PPARGC1B: variants seen among roughly 807,000 people sequenced by gnomAD.
PPARGC1B encodes the protein PPARG coactivator 1 beta, also known as peroxisome proliferator-activated receptor gamma coactivator 1-beta.
A neutral mutation model predicts 101.6 loss-of-function variants in PPARGC1B; 34 were observed. The ratio of observed to expected loss-of-function variants is 0.33; its 90% CI spans 0.25 to 0.45. The LOEUF (loss-of-function observed/expected upper bound fraction) is 0.45. PPARGC1B is among the 20% of genes least tolerant of loss of function. The probability of loss-of-function intolerance (pLI) is 1.00; values close to 1 mark genes in which losing one functional copy is unlikely to be tolerated. For missense variants in PPARGC1B, 1,234 were observed against 1,317.6 expected (o/e 0.94, Z 0.98); for synonymous variants, 548 against 539.3 (o/e 1.02, Z -0.22).
chr5:149,758,695 G>T (rs1262267956), intron 1 of PPARGC1B, among the ~76,000 whole-genome samples: 1 of 152,232 alleles, frequency 6.6e-6, no homozygotes, highest in Non-Finnish European at 1.5e-5. Context: ...GGCCAGCCCT[G>T]CCTGTGGTCT....
At chr5:149,817,687 A>C in intron 1 of PPARGC1B, 1 of 456,664 alleles carries the variant, frequency 2.2e-6, no homozygotes, top group South Asian at 1.5e-5. Flanking sequence ...GAACATGCCC[A>C]CTAGAATGGC....
chr5:149,756,248 G>C (rs1286492130), intron 1 of PPARGC1B, among the ~76,000 whole-genome samples: 1 of 152,192 alleles, frequency 6.6e-6, no homozygotes, highest in East Asian at 1.9e-4. Flanking sequence ...GATCACTTGA[G>C]GACAGGAGTT....
chr5:149,743,796 A>C (rs1754992952), intron 1 of PPARGC1B, among the ~76,000 whole-genome samples: 1 of 152,154 alleles, frequency 6.6e-6, no homozygotes, highest in Non-Finnish European at 1.5e-5. Context: ...CACTTTGTGG[A>C]GCCTCCAGAA....
In PPARGC1B at chr5:149,836,456, C is replaced by T; in HGVS notation, c.2001C>T (p.His667=). 4 of 1,614,078 alleles carry T rather than the reference C, an allele frequency of 2.5e-6. No individual in the cohort carries two copies. The highest frequency in any genetic ancestry group is 1.1e-5 in the South Asian group (1 of 91,080). ...CAGAGCGAAGTGAGCTCCTGTCCCACCTGCGACATGCCACAGCCCAGCCAG... is the reference window on the plus strand; with the variant it reads ...CAGAGCGAAGTGAGCTCCTGTCCCATCTGCGACATGCCACAGCCCAGCCAG... ...KHPERSELLS[H]LRHATAQPAS... is the part of the protein sequence containing the mutation. Residue 667 remains histidine, a synonymous_variant, in exon 8 of 12, where the codon CAC becomes CAT. Transcript: ENST00000309241.
chr5:149,772,417 T>C (rs1756168317), intron 1 of PPARGC1B, among the ~76,000 whole-genome samples: 1 of 152,192 alleles, frequency 6.6e-6, no homozygotes, highest in African/African-American at 2.4e-5. Context: ...CTGTGGTGTT[T>C]GCTGTTGTAT....
chr5:149,747,312 A>G (rs916089476), intron 1 of PPARGC1B, among the ~76,000 whole-genome samples: 1 of 152,234 alleles, frequency 6.6e-6, no homozygotes, highest in Non-Finnish European at 1.5e-5. Flanking sequence ...ATTCCTTCGC[A>G]TAACTGAATG....
chr5:149,837,559 T>C lies in PPARGC1B; in HGVS notation c.2618+486T>C, dbSNP rs1449528635. On this transcript the variant is annotated intron_variant, in intron 8 of 11. Transcript: ENST00000309241. The surrounding 1 kb of genome is among the most constrained non-coding windows in gnomAD (Gnocchi z 4.2). The stretch of plus-strand genomic sequence containing the variant: ...AAGCATTGATAAGGTTTCTGGGTCA[T>C]GCTGAGTTGTGCTGTGGCTTTCACC... 1.3e-5 allele frequency among the ~76,000 whole-genome samples: 2 copies of C among 152,242 alleles called. No individual in the cohort carries two copies. The highest frequency in any genetic ancestry group is 2.9e-5 in the Non-Finnish European group (2 of 68,038).
At chr5:149,814,957 G>A (rs1174877476) in intron 1 of PPARGC1B, among the ~76,000 whole-genome samples, 1 of 152,230 alleles carries the variant, frequency 6.6e-6, no homozygotes, top group Non-Finnish European at 1.5e-5. Flanking sequence ...TCCCAGGTCT[G>A]TCCTTGCTCA....
In PPARGC1B at chr5:149,820,571, A is replaced by G. The variant is rs1273447117; in HGVS notation, c.217A>G (p.Asn73Asp). 1 of 1,613,492 alleles carries G rather than the reference A, an allele frequency of 6.2e-7. No homozygotes were observed. Among genetic ancestry groups the G allele is most frequent in the Admixed American group, 1.7e-5 (1 of 60,004 alleles). ...CCCAGAGAACTCAGAGACTGAACCC[A>G]ACCAGTACAGCCCCGATGACTCCGA... ...WCPENSETEPNQYSPDDSELF... is the reference protein window; with the variant it reads ...WCPENSETEPDQYSPDDSELF... Residue 73 changes from asparagine to aspartate, a missense_variant, in exon 2 of 12, where the codon AAC becomes GAC. By Grantham distance (23) the Asn-to-Asp change is conservative. This residue lies in a region of PPARGC1B where 734 missense variants were observed against 768.4 expected (regional missense o/e 0.96). Transcript: ENST00000309241.
chr5:149,784,139 A>G (rs979053749), intron 1 of PPARGC1B, among the ~76,000 whole-genome samples: 9 of 151,716 alleles, frequency 5.9e-5, no homozygotes, highest in African/African-American at 2.2e-4. Flanking sequence ...TCTTTCTTCT[A>G]CTTGGGTTGC....
In PPARGC1B at chr5:149,730,447, G is replaced by A. The variant is rs1341757002; in HGVS notation, c.78+27G>A. 2 of 1,515,342 alleles carry A rather than the reference G, an allele frequency of 1.3e-6. No homozygotes were observed. Among genetic ancestry groups the A allele is most frequent in the Admixed American group, 2.1e-5 (1 of 48,118 alleles). 93.9% of individuals were successfully genotyped at this position (1,515,342 alleles called of 1,614,324 possible). On this transcript the variant is annotated intron_variant, in intron 1 of 11. Coordinates refer to ENST00000309241, the MANE Select transcript of PPARGC1B (RefSeq NM_133263.4). The surrounding 1 kb of genome is among the most constrained non-coding windows in gnomAD (Gnocchi z 4.0). The stretch of plus-strand genomic sequence containing the variant: ...TACGGCCGGCTGGGGCTGCGGGCCC[G>A]GGGCCAGGGGTGCTGAGCTGCGGGG...
In PPARGC1B at chr5:149,845,930, C is replaced by T; in HGVS notation, c.2971+16C>T. ...ACTGACTACGGTAAGCCCCTGAAACCCAGCCACAGTCTAGTAAGACTCAAA... is the reference window on the plus strand; with the variant it reads ...ACTGACTACGGTAAGCCCCTGAAACTCAGCCACAGTCTAGTAAGACTCAAA... On this transcript the variant is annotated intron_variant, in intron 11 of 11. Transcript: ENST00000309241. 5 of 1,614,214 alleles carry T rather than the reference C, an allele frequency of 3.1e-6. No individual in the cohort carries two copies. Among genetic ancestry groups the T allele is most frequent in the Non-Finnish European group, 4.2e-6 (5 of 1,180,020 alleles).
chr5:149,804,422 C>T (rs1757528803), intron 1 of PPARGC1B, among the ~76,000 whole-genome samples: 1 of 152,148 alleles, frequency 6.6e-6, no homozygotes, highest in Non-Finnish European at 1.5e-5. Flanking sequence ...ACCTATAATC[C>T]CAGCACTTTG....
At chr5:149,820,217 A>AGG (rs796337733) in intron 1 of PPARGC1B, among the ~76,000 whole-genome samples, 1 of 152,190 alleles carries the variant, frequency 6.6e-6, no homozygotes, top group Admixed American at 6.5e-5. Context: ...AGGAGTGCAG[A>AGG]GGGGAGAGCA....
Position 149,819,582 on chromosome 5 carries a change from A to G in PPARGC1B, c.79-851A>G, listed in dbSNP as rs188330716. On this transcript the variant is annotated intron_variant, in intron 1 of 11. Transcript: ENST00000309241. ...CAGTGGCTCGATCTCAGCTCACTGC[A>G]ACGTCCGCCTCCCGGGCTCAAGTGA... is the stretch of plus-strand genomic sequence containing the variant. Among the ~76,000 whole-genome samples the G allele has an allele frequency of 2.9e-3, 438 of 152,134 alleles. 4 individuals carry two copies. Among genetic ancestry groups the G allele is most frequent in the Non-Finnish European group, 4.5e-3 (309 of 67,982 alleles).
chr5:149,812,373 C>G (rs1040824438), intron 1 of PPARGC1B, among the ~76,000 whole-genome samples: 1 of 152,178 alleles, frequency 6.6e-6, no homozygotes, highest in Non-Finnish European at 1.5e-5. Flanking sequence ...TCTCCCCACT[C>G]TTCTCCTGGA....
chr5:149,755,326 A>G (rs1365301660), intron 1 of PPARGC1B, among the ~76,000 whole-genome samples: 1 of 151,694 alleles, frequency 6.6e-6, no homozygotes, highest in African/African-American at 2.4e-5. Flanking sequence ...CCCTGGGCTC[A>G]ATCATTCCTC....
intron 1 of PPARGC1B, among the ~76,000 whole-genome samples, chr5:149,797,915 A>G (rs1757288106): frequency 6.6e-6 from 1 of 152,042 alleles, no homozygotes; most frequent in Admixed American, 6.5e-5. Flanking sequence ...GCAAAACTCC[A>G]TCCCCACCCC....
Position 149,833,809 on chromosome 5 carries a change from G to T in PPARGC1B, c.1705+31G>T, listed in dbSNP as rs771839190. The T allele has an allele frequency of 1.4e-6, 2 of 1,457,430 alleles. No homozygotes were observed. The highest frequency in any genetic ancestry group is 1.8e-6 in the Non-Finnish European group (2 of 1,108,788). The allele number at this position is 1,457,430 out of a possible 1,614,324, so 90.3% of individuals were successfully genotyped here. On this transcript the variant is annotated intron_variant, in intron 5 of 11. Coordinates refer to ENST00000309241, the MANE Select transcript of PPARGC1B (RefSeq NM_133263.4). This position sits in a 1 kb window ranked among gnomAD's most constrained non-coding sequence, Gnocchi z 4.1. ...CAGAGTTGGTGGTCTGCGAAGTGGG[G>T]GCAGGGATGGGGTGCAGCATGCCCC... is the stretch of plus-strand genomic sequence containing the variant.
Sources: allele counts gnomAD v4.1 joint callset (sites outside exome capture counted in the v4.1 genomes callset), GRCh38; gene constraint gnomAD v4.1.1; regional missense constraint gnomAD v4.1.1; non-coding constraint Gnocchi (gnomAD v3.1); transcripts MANE v1.5; gene names NCBI Gene and HGNC (gene_info 2026-07-23, HGNC 2026-07-21).